The following GFPT2 variants were observed in gnomAD, a reference collection of about 807,000 sequenced individuals.
The protein encoded by GFPT2 is glutamine--fructose-6-phosphate transaminase 2.
In GFPT2, 62 loss-of-function variants were observed where a neutral mutation model predicts 85.6. That is an observed-to-expected ratio of 0.72 (90% CI 0.59 to 0.90). The LOEUF is 0.90. GFPT2 is among the 40% of genes least tolerant of loss of function. The pLI, the probability that GFPT2 is intolerant of heterozygous loss-of-function variation, is 0.00. For missense variants in GFPT2, 788 were observed against 893.4 expected (o/e 0.88, Z 1.50); for synonymous variants, 368 against 344.5 (o/e 1.07, Z -0.75).
In GFPT2 at chr5:180,318,527, A is replaced by T; in HGVS notation, c.958+266T>A. 2.2e-6 allele frequency: 1 copy of T among 463,478 alleles called. No homozygotes were observed. Among genetic ancestry groups the T allele is most frequent in the Non-Finnish European group, 3.9e-6 (1 of 253,748 alleles). 28.7% of individuals were successfully genotyped at this position (463,478 alleles called of 1,614,324 possible). On this transcript the variant is annotated intron_variant, in intron 10 of 18. Transcript: ENST00000253778. The surrounding 1 kb of genome is among the most constrained non-coding windows in gnomAD (Gnocchi z 4.2). ...GGGCATGTGTCCCGCGGAGTCGGTG[A>T]AGGAAGGCAGCTGACACACTGGGCT...
In GFPT2 at chr5:180,331,560, GA is replaced by G. The variant is rs1561880515; in HGVS notation, c.341-8del. On this transcript the variant is annotated splice_polypyrimidine_tract_variant and splice_region_variant and intron_variant, in intron 4 of 18. Coordinates refer to ENST00000253778, the MANE Select transcript of GFPT2 (RefSeq NM_005110.4). ...TTGTGGATGACAACAAATTCTGAAA[GA>G]AAAGTTAAGAGAGAAATGCTATTGA... 3 of 1,524,116 alleles carry G rather than the reference GA, an allele frequency of 2.0e-6. No individual in the cohort carries two copies. The highest frequency in any genetic ancestry group is 2.7e-6 in the Non-Finnish European group (3 of 1,097,930). 94.4% of individuals were successfully genotyped at this position (1,524,116 alleles called of 1,614,324 possible).
chr5:180,350,570 C>T (rs889239436), intron 1 of GFPT2, among the ~76,000 whole-genome samples: 1 of 152,154 alleles, frequency 6.6e-6, no homozygotes, highest in Admixed American at 6.5e-5. Context: ...ATCTTCGAGT[C>T]CCCCAGGGCC....
intron 2 of GFPT2, among the ~76,000 whole-genome samples, chr5:180,337,177 G>A (rs1388939316): frequency 3.3e-5 from 5 of 152,346 alleles, no homozygotes; most frequent in South Asian, 2.1e-4. Flanking sequence ...AGGATCGGCC[G>A]GGTGCGGTGG....
chr5:180,314,020 A>C, intron 13 of GFPT2, 56 bp from the exon 14 acceptor site: 1 of 1,496,744 alleles, frequency 6.7e-7, no homozygotes, highest in Admixed American at 2.1e-5. Context: ...CCCCACCCCA[A>C]ACCCCTTCCT....
chr5:180,352,497 G>A (rs1484453955), intron 1 of GFPT2: 1 of 448,578 alleles, frequency 2.2e-6, no homozygotes, highest in Non-Finnish European at 4.5e-6. Flanking sequence ...GCAGCCACGC[G>A]GGACAGCGCG....
intron 4 of GFPT2, among the ~76,000 whole-genome samples, chr5:180,334,282 C>T (rs984334496): frequency 1.2e-4 from 19 of 152,218 alleles, no homozygotes; most frequent in Admixed American, 6.5e-4. Context: ...GCTCTCCTTC[C>T]GTTTTCTGGG....
intron 3 of GFPT2, 72 bp from the exon 4 acceptor site, chr5:180,336,025 G>A: frequency 6.9e-7 from 1 of 1,444,936 alleles, no homozygotes. Flanking sequence ...GTGCAACCTG[G>A]TGTCGTTACC....
At chr5:180,337,599 C>T (rs1476567943) in intron 2 of GFPT2, among the ~76,000 whole-genome samples, 1 of 152,158 alleles carries the variant, frequency 6.6e-6, no homozygotes, top group Non-Finnish European at 1.5e-5. Context: ...AGACCACCCC[C>T]ACAGACAACA....
At chr5:180,319,665 T>C (rs976147776) in intron 9 of GFPT2, among the ~76,000 whole-genome samples, 14 of 152,278 alleles carry the variant, frequency 9.2e-5, no homozygotes, top group East Asian at 3.9e-4. Context: ...CTCAAACCCC[T>C]GATGGCTCTT....
chr5:180,342,013 G>A (rs547592823), intron 1 of GFPT2, among the ~76,000 whole-genome samples: 17 of 152,050 alleles, frequency 1.1e-4, no homozygotes, highest in South Asian at 2.1e-4. Flanking sequence ...TCATGGGGGC[G>A]GCTCTTTCCC....
intron 8 of GFPT2, 103 bp from the exon 9 acceptor site, chr5:180,324,408 TG>T: frequency 1.4e-6 from 1 of 736,346 alleles, no homozygotes; most frequent in Non-Finnish European, 2.3e-6. Flanking sequence ...GGGAGAAATT[TG>T]CAATTTTTAG....
intron 15 of GFPT2, among the ~76,000 whole-genome samples, chr5:180,310,717 G>C (rs1255739139): frequency 6.6e-6 from 1 of 151,786 alleles, no homozygotes; most frequent in Non-Finnish European, 1.5e-5. Flanking sequence ...GGCCATCAAG[G>C]CCATTCTTAA....
intron 10 of GFPT2, among the ~76,000 whole-genome samples, chr5:180,317,715 C>G (rs575850446): frequency 8.1e-6 from 1 of 122,862 alleles, no homozygotes; most frequent in African/African-American, 3.1e-5. Context: ...GCCGAGATCG[C>G]GCCACAGCAC....
chr5:180,304,724 TG>T, intron 17 of GFPT2, 47 bp downstream of exon 17: 1 of 1,533,060 alleles, frequency 6.5e-7, no homozygotes. Context: ...TGGGCATGCA[TG>T]GGGAAAAGCA....
chr5:180,321,078 A>C (rs1253371153), intron 9 of GFPT2, among the ~76,000 whole-genome samples: 1 of 152,362 alleles, frequency 6.6e-6, no homozygotes, highest in South Asian at 2.1e-4. Context: ...TTTGTATAAA[A>C]GTGTACAAAT....
intron 13 of GFPT2, among the ~76,000 whole-genome samples, chr5:180,314,811 T>C (rs574946786): frequency 1.3e-5 from 2 of 152,316 alleles, no homozygotes; most frequent in South Asian, 4.1e-4. Flanking sequence ...TAGGGTTCGA[T>C]AGTGTTTTTT....
chr5:180,324,624 A>G, intron 8 of GFPT2, 192 bp downstream of exon 8: 1 of 599,276 alleles, frequency 1.7e-6, no homozygotes, highest in Non-Finnish European at 3.0e-6. Context: ...CATGTCCATG[A>G]TAAAAAGCTT....
intron 1 of GFPT2, among the ~76,000 whole-genome samples, chr5:180,345,680 A>G (rs1341325781): frequency 1.3e-5 from 2 of 152,206 alleles, no homozygotes; most frequent in Non-Finnish European, 2.9e-5. Context: ...TCCATTGCTG[A>G]GTCCCCAGCA....
At chr5:180,320,318 CT>C (rs1360251054) in intron 9 of GFPT2, among the ~76,000 whole-genome samples, 1 of 152,098 alleles carries the variant, frequency 6.6e-6, no homozygotes, top group Non-Finnish European at 1.5e-5. Flanking sequence ...ATAACTTTCT[CT>C]GTATGGAAAA....
Sources: allele counts gnomAD v4.1 joint callset (sites outside exome capture counted in the v4.1 genomes callset), GRCh38; gene constraint gnomAD v4.1.1; non-coding constraint Gnocchi (gnomAD v3.1); transcripts MANE v1.5; gene names NCBI Gene and HGNC (gene_info 2026-07-23, HGNC 2026-07-21).